GRM6: variants seen among roughly 807,000 people sequenced by gnomAD.
GRM6 encodes glutamate metabotropic receptor 6.
In GRM6, 73 loss-of-function variants were observed where a neutral mutation model predicts 78.4. The ratio of observed to expected loss-of-function variants is 0.93; its 90% CI spans 0.77 to 1.13. GRM6 has a LOEUF of 1.13. Among genes scored for constraint, GRM6 ranks in the 50% most tolerant of loss-of-function variants. The pLI is 0.00. For synonymous variants in GRM6, 580 were observed against 555.0 expected (o/e 1.05, Z -0.63); for missense variants, 1,251 against 1,256.4 (o/e 1.00, Z 0.07).
chr5:178,982,901 C>A lies in GRM6; in HGVS notation c.2436+9G>T, dbSNP rs2113314288. The A allele has an allele frequency of 6.2e-7, 1 of 1,606,258 alleles. No homozygotes were observed. ...AACAGGCAGCGAGACCTCCTGGGGA[C>A]CTCATTACCTTTTCAGCTGACTGGG... is the stretch of plus-strand genomic sequence containing the variant. On this transcript the variant is annotated intron_variant, in intron 10 of 10. Coordinates refer to ENST00000517717, the MANE Select transcript of GRM6 (RefSeq NM_000843.4).
chr5:178,985,936 AT>A (rs1263170458), intron 9 of GRM6, among the ~76,000 whole-genome samples, 193 bp downstream of exon 9: 1 of 151,792 alleles, frequency 6.6e-6, no homozygotes, highest in Non-Finnish European at 1.5e-5. Flanking sequence ...TAATTTTCAT[AT>A]TTTTTGCAGA....
At position 178,983,225 on chromosome 5, in the gene GRM6, C is replaced by T. The variant is rs1483064908; in HGVS notation, c.2125-4G>A. 1 of 1,609,710 alleles carries T rather than the reference C, an allele frequency of 6.2e-7. No individual in the cohort carries two copies. The highest frequency in any genetic ancestry group is 8.5e-7 in the Non-Finnish European group (1 of 1,177,570). The stretch of plus-strand genomic sequence containing the variant: ...GCCATGCTATCATCCCCACCACCTG[C>T]AGGAGCCAACACTGCATCAGACACA... On this transcript the variant is annotated splice_polypyrimidine_tract_variant and splice_region_variant and intron_variant, in intron 9 of 10. Transcript: ENST00000517717.
chr5:178,982,893 C>G lies in GRM6; in HGVS notation c.2436+17G>C, dbSNP rs752201266. The stretch of plus-strand genomic sequence containing the variant: ...AGGCAGGAAACAGGCAGCGAGACCT[C>G]CTGGGGACCTCATTACCTTTTCAGC... On this transcript the variant is annotated intron_variant, in intron 10 of 10. Transcript: ENST00000517717. 14 of 1,596,322 alleles carry G rather than the reference C, an allele frequency of 8.8e-6. No individual in the cohort carries two copies. The African/African-American group carries it at 1.9e-4, about 21-fold the overall frequency.
At position 178,984,714 on chromosome 5, in the gene GRM6, A is replaced by C. The variant is rs148041376; in HGVS notation, c.2124+1416T>G. Among the ~76,000 whole-genome samples the C allele has an allele frequency of 9.1e-3, 1,382 of 152,216 alleles. 18 individuals are homozygous for C. The highest frequency in any genetic ancestry group is 0.032 in the African/African-American group (1,328 of 41,548). Reference sequence around the variant, plus strand: ...GACCAGGGGACACTCAGGCCCTGTTACGTGGAGGAAGACGGGAGCACCTCC... The same window carrying C: ...GACCAGGGGACACTCAGGCCCTGTTCCGTGGAGGAAGACGGGAGCACCTCC... On this transcript the variant is annotated intron_variant, in intron 9 of 10. Transcript: ENST00000517717.
intron 7 of GRM6, 33 bp from the exon 8 acceptor site, chr5:178,987,016 T>C: frequency 6.2e-7 from 1 of 1,606,788 alleles, no homozygotes; most frequent in Non-Finnish European, 8.5e-7. Context: ...TCGGTGGTCC[T>C]CCAGCCCAGC....
At chr5:178,987,050 C>G in intron 7 of GRM6, 67 bp from the exon 8 acceptor site, 2 of 1,502,638 alleles carry the variant, frequency 1.3e-6, no homozygotes, top group Non-Finnish European at 1.8e-6. Context: ...TGGGGAGGCC[C>G]CAGGGACCAG....
chr5:178,989,901 T>C lies in GRM6; in HGVS notation c.1013-496A>G, dbSNP rs545607215. 2.2e-5 allele frequency: 5 copies of C among 230,948 alleles called. No individual in the cohort carries two copies. The East Asian group carries it at 5.3e-4, about 25-fold the overall frequency. 14.3% of individuals were successfully genotyped at this position (230,948 alleles called of 1,614,324 possible). On this transcript the variant is annotated intron_variant, in intron 5 of 10. Transcript: ENST00000517717. ...GAGAGCGCATTCACTCACTGCCCCATGCCTAAAGTCACCAACTCTCAGACC... is the reference window on the plus strand; with the variant it reads ...GAGAGCGCATTCACTCACTGCCCCACGCCTAAAGTCACCAACTCTCAGACC...
rs773602113 is a variant in GRM6, at chr5:178,985,717, A to AAAAC, written c.2124+412_2124+413insGTTT. On this transcript the variant is annotated intron_variant, in intron 9 of 10. Coordinates refer to ENST00000517717, the MANE Select transcript of GRM6 (RefSeq NM_000843.4). The stretch of plus-strand genomic sequence containing the variant: ...GACTCTGTCTAAAAAAAAAAAAACA[A>AAAAC]AACAACACAGGAACCAAAATAGAAA... 1,843 of 418,602 alleles carry AAAAC rather than the reference A, an allele frequency of 4.4e-3. 22 individuals carry two copies. Among genetic ancestry groups the AAAAC allele is most frequent in the South Asian group, 0.013 (741 of 56,000 alleles). The allele number at this position is 418,602 out of a possible 1,614,324, so 25.9% of individuals were successfully genotyped here.
At position 178,994,792 on chromosome 5, in the gene GRM6, G is replaced by C. The variant is rs1399732883; in HGVS notation, c.153C>G (p.Gly51=). The C allele has an allele frequency of 1.5e-6, 2 of 1,317,582 alleles. No individual in the cohort carries two copies. The highest frequency in any genetic ancestry group is 3.4e-5 in the East Asian group (1 of 29,678). 81.6% of individuals were successfully genotyped at this position (1,317,582 alleles called of 1,614,324 possible). A position where few individuals can be genotyped will look rare whatever the true frequency, so the allele number is the denominator to read the frequency against. The change falls in exon 2 of 11, where the codon GGC becomes GGG. Residue 51 remains glycine (G), a synonymous_variant. Coordinates refer to ENST00000517717, the MANE Select transcript of GRM6 (RefSeq NM_000843.4). ...LGGLFPVHAR[G]AAGRACGQLK... ...GCTGCCCGCACGCCCGGCCCGCCGC[G>C]CCCCGCGCGTGCACCGGGAACAGGC...
Position 178,986,566 on chromosome 5 carries a change from C to A in GRM6, c.1688G>T (p.Arg563Met). 1 of 1,607,676 alleles carries A rather than the reference C, an allele frequency of 6.2e-7. No homozygotes were observed. The highest frequency in any genetic ancestry group is 8.5e-7 in the Non-Finnish European group (1 of 1,179,632). The change falls in exon 9 of 11, where the codon AGG becomes ATG. Residue 563 changes from arginine to methionine, a missense_variant. Transcript: ENST00000517717. ...GCAGCCCGTGTGGTTGGGCGTGGGC[C>A]TCATGTCCCCAGGACAGGCCTCGCA... ...FTCEACPGDMRPTPNHTGCRP... is the reference protein window; with the variant it reads ...FTCEACPGDMMPTPNHTGCRP...
intron 9 of GRM6, chr5:178,985,701 T>TTA: frequency 2.9e-6 from 1 of 346,348 alleles, no homozygotes; most frequent in Non-Finnish European, 5.4e-6. Context: ...AGACTCTGTC[T>TTA]AAAAAAAAAA....
In GRM6 at chr5:178,992,655, G is replaced by A. The variant is rs1760701527; in HGVS notation, c.505-572C>T. ...GCAGAGACCAGAGGCTGAACTGACC[G>A]GGGAGTGTGGAGGCAGAGACACGGG... On this transcript the variant is annotated intron_variant, in intron 2 of 10. Transcript: ENST00000517717. This position sits in a 1 kb window ranked among gnomAD's most constrained non-coding sequence, Gnocchi z 4.9. Among the ~76,000 whole-genome samples the A allele has an allele frequency of 6.6e-6, 1 of 152,146 alleles. No homozygotes were observed. The highest frequency in any genetic ancestry group is 2.1e-4 in the South Asian group (1 of 4,828).
Position 178,994,676 on chromosome 5 carries a change from C to T in GRM6, c.269G>A (p.Arg90His). The change falls in exon 2 of 11, where the codon CGC becomes CAC. Residue 90 changes from arginine to histidine, a missense_variant. By Grantham distance (29) the Arg-to-His change is conservative. Transcript: ENST00000517717. ...GGTGTCCAGCAGCCGCGCGCCCAGG[C>T]GCACGCCGGGCAGCAGCTCGGGGTC... ...NADPELLPGV[R>H]LGARLLDTCS... is the part of the protein sequence containing the mutation. The T allele has an allele frequency of 2.7e-6, 4 of 1,468,310 alleles. No individual in the cohort carries two copies. The highest frequency in any genetic ancestry group is 3.0e-5 in the East Asian group (1 of 33,506). The allele number at this position is 1,468,310 out of a possible 1,614,324, so 91.0% of individuals were successfully genotyped here.
rs566242669 is a variant in GRM6 at position 178,988,472 on chromosome 5, T to G, written c.1354+463A>C. Among the ~76,000 whole-genome samples, 23 of 152,310 alleles carry G rather than the reference T, an allele frequency of 1.5e-4. No homozygotes were observed. Among genetic ancestry groups the G allele is most frequent in the African/African-American group, 5.3e-4 (22 of 41,566 alleles). ...GGGGTCTCCTCAGAAGACACAGTTT[T>G]GAGCCCTGACCACACACCAAGCCTG... is the stretch of plus-strand genomic sequence containing the variant. On this transcript the variant is annotated intron_variant, in intron 7 of 10. Transcript: ENST00000517717. The surrounding 1 kb of genome is among the most constrained non-coding windows in gnomAD (Gnocchi z 6.0).
Position 178,986,268 on chromosome 5 carries a change from G to A in GRM6, c.1986C>T (p.Thr662=), listed in dbSNP as rs777132971. 2 of 1,614,182 alleles carry A rather than the reference G, an allele frequency of 1.2e-6. No homozygotes were observed. Among genetic ancestry groups the A allele is most frequent in the Non-Finnish European group, 1.7e-6 (2 of 1,180,020 alleles). The part of the protein sequence containing the change: ...ARRLFLGLGT[T]LSYSALLTKT... ...TGGTGAGCAGGGCAGAGTAGCTGAG[G>A]GTCGTGCCCAGGCCCAGGAAGAGCC... The change falls in exon 9 of 11, where the codon ACC becomes ACT. Residue 662 remains threonine (T), a synonymous_variant. Coordinates refer to ENST00000517717, the MANE Select transcript of GRM6 (RefSeq NM_000843.4).
chr5:178,994,246 G>A (rs1246105574), intron 2 of GRM6, among the ~76,000 whole-genome samples, 195 bp downstream of exon 2: 1 of 152,252 alleles, frequency 6.6e-6, no homozygotes, highest in Non-Finnish European at 1.5e-5. Flanking sequence ...GTAGACATGG[G>A]CGGCTGGAGT....
At position 178,986,715 on chromosome 5, in the gene GRM6, C is replaced by T. The variant is rs894183291; in HGVS notation, c.1539G>A (p.Val513=). The change falls in exon 9 of 11, where the codon GTG becomes GTA. Residue 513 remains valine, a synonymous_variant. Coordinates refer to ENST00000517717, the MANE Select transcript of GRM6 (RefSeq NM_000843.4). The part of the protein sequence containing the change: ...ALQWSGDPHE[V]PSSLCSLPCG... ...AGGGCAGGCTGCACAGAGACGAGGG[C>T]ACCTCGTGGGGGTCGCCAGACCACT... 1.2e-6 allele frequency: 2 copies of T among 1,604,858 alleles called. No homozygotes were observed. Among genetic ancestry groups the T allele is most frequent in the Admixed American group, 3.3e-5 (2 of 59,992 alleles).
Position 178,981,581 on chromosome 5 carries a change from G to A in GRM6, c.*76C>T. The A allele has an allele frequency of 8.7e-7, 1 of 1,148,694 alleles. No individual in the cohort carries two copies. Among genetic ancestry groups the A allele is most frequent in the Non-Finnish European group, 1.3e-6 (1 of 768,486 alleles). The allele number at this position is 1,148,694 out of a possible 1,614,324, so 71.2% of individuals were successfully genotyped here. A position where few individuals can be genotyped will look rare whatever the true frequency, so the allele number is the denominator to read the frequency against. Reference sequence around the variant, plus strand: ...CCACTGACTGTTCACCGTGGACCCGGGCTCTATACAGCTTCCACCTCGAGG... The same window carrying A: ...CCACTGACTGTTCACCGTGGACCCGAGCTCTATACAGCTTCCACCTCGAGG... On this transcript the variant is annotated 3_prime_UTR_variant, in exon 11 of 11. Transcript: ENST00000517717. This position sits in a 1 kb window ranked among gnomAD's most constrained non-coding sequence, Gnocchi z 5.1.
chr5:178,986,362 A>T lies in GRM6; in HGVS notation c.1892T>A (p.Ile631Asn), dbSNP rs1581894504. Residue 631 changes from isoleucine to asparagine, a missense_variant, in exon 9 of 11, where the codon ATC becomes AAC. Physicochemically the swap from Ile to Asn is moderately radical, Grantham distance 149. Coordinates refer to ENST00000517717, the MANE Select transcript of GRM6 (RefSeq NM_000843.4). Reference protein sequence around the residue: ...RELSYVLLTGIFLIYAITFLM... With the variant: ...RELSYVLLTGNFLIYAITFLM... ...GAAGGTGATGGCGTAGATGAGGAAG[A>T]TGCCGGTGAGGAGGACGTAGCTGAG... 2 of 1,614,132 alleles carry T rather than the reference A, an allele frequency of 1.2e-6. No homozygotes were observed. The highest frequency in any genetic ancestry group is 1.7e-6 in the Non-Finnish European group (2 of 1,180,034).
Sources: allele counts gnomAD v4.1 joint callset (sites outside exome capture counted in the v4.1 genomes callset), GRCh38; gene constraint gnomAD v4.1.1; non-coding constraint Gnocchi (gnomAD v3.1); transcripts MANE v1.5; gene names NCBI Gene and HGNC (gene_info 2026-07-23, HGNC 2026-07-21).